The following TYMP variants were observed in gnomAD, a reference collection of about 807,000 sequenced individuals.
TYMP encodes gliostatin.
TYMP carries 46 observed loss-of-function variants against 42.3 expected under a neutral mutation model. The observed-to-expected ratio is 1.09, with a 90% CI of 0.86 to 1.39. The LOEUF is 1.39. Ranked by LOEUF, TYMP falls within the 40% of genes most tolerant of loss-of-function variation. The pLI is 0.00. For missense variants in TYMP, 837 were observed against 677.6 expected, an observed-to-expected ratio of 1.24 and a Z score of -2.61; for synonymous variants, 363 against 308.0, an observed-to-expected ratio of 1.18 and a Z score of -1.87.
In TYMP at chr22:50,529,711, G is replaced by T. The variant is rs370124042; in HGVS notation, c.-2C>A. The T allele has an allele frequency of 9.9e-6, 16 of 1,608,396 alleles. No homozygotes were observed. The highest frequency in any genetic ancestry group is 1.3e-5 in the Non-Finnish European group (15 of 1,178,276). On this transcript the variant is annotated 5_prime_UTR_variant, in exon 2 of 10. Coordinates refer to ENST00000252029, the MANE Select transcript of TYMP (RefSeq NM_001953.5). ...TCCCGGGGTCATCAAGGCTGCCATCGCTCCGGGCCTGCGGGGATGCCTGAC... is the reference window on the plus strand; with the variant it reads ...TCCCGGGGTCATCAAGGCTGCCATCTCTCCGGGCCTGCGGGGATGCCTGAC...
intron 8 of TYMP, 42 bp from the exon 9 acceptor site, chr22:50,526,183 C>A: frequency 6.8e-7 from 1 of 1,471,472 alleles, no homozygotes; most frequent in South Asian, 1.3e-5. Context: ...CGGGAAGGGG[C>A]GGGGCCTCGG....
intron 1 of TYMP, 85 bp downstream of exon 1, chr22:50,529,819 T>G: frequency 9.7e-7 from 1 of 1,031,454 alleles, no homozygotes; most frequent in Non-Finnish European, 1.4e-6. Context: ...CTCTCCGGTG[T>G]CCGCCCCTCG....
intron 4 of TYMP, chr22:50,528,016 C>T: frequency 2.4e-6 from 1 of 419,126 alleles, no homozygotes; most frequent in South Asian, 2.2e-5. Context: ...GGCTCCTCTG[C>T]CTCCCAGAGT....
chr22:50,529,880 T>TCGCGACTTGAGCCCCGCCC, intron 1 of TYMP, 24 bp downstream of exon 1: 1 of 671,052 alleles, frequency 1.5e-6, no homozygotes, highest in Non-Finnish European at 2.5e-6. Flanking sequence ...CTTCCCCGCC[T>TCGCGACTTGAGCCCCGCCC]CGCGACTTGA....
rs1389105644 is a variant in TYMP, at chr22:50,527,726, ACATCCCCTGTTCTCAGT to A, written c.517-26_517-10del. On this transcript the variant is annotated splice_polypyrimidine_tract_variant and intron_variant, in intron 4 of 9. Transcript: ENST00000252029. The stretch of plus-strand genomic sequence containing the variant: ...TCCAGCAGCACTTGCATCTGGTCAG[ACATCCCCTGTTCTCAGT>A]GACTTATGGTAAATGACTTAGCAGC... 1 of 1,611,016 alleles carries A rather than the reference ACATCCCCTGTTCTCAGT, an allele frequency of 6.2e-7. No individual in the cohort carries two copies. Among genetic ancestry groups the A allele is most frequent in the South Asian group, 1.1e-5 (1 of 90,962 alleles).
At position 50,526,307 on chromosome 22, in the gene TYMP, T is replaced by G. The variant is rs1459211212; in HGVS notation, c.1098A>C (p.Ala366=). 6.4e-7 allele frequency: 1 copy of G among 1,559,186 alleles called. No homozygotes were observed. ...LARALCSGSP[A]ERRQLLPRAR... is the part of the protein sequence containing the mutation. ...CGCGAGGCAGCAGCTGCCGGCGTTC[T>G]GCGGGACTTCCCGAGCACAGGGCTC... is the stretch of plus-strand genomic sequence containing the variant. The change falls in exon 8 of 10, where the codon GCA becomes GCC. Residue 366 remains alanine (A), a synonymous_variant. Transcript: ENST00000252029.
rs1373519372 is a variant in TYMP at position 50,526,428 on chromosome 22, C to G, written c.977G>C (p.Gly326Ala). The change falls in exon 8 of 10, where the codon GGC (glycine) becomes GCC (alanine). Residue 326 changes from glycine to alanine, a missense_variant. By Grantham distance (60) the Gly-to-Ala change is moderately conservative. Transcript: ENST00000252029. ...LSGHAGTQAQ[G>A]AARVAAALDD... ...CAGCGCCGCGGCCACCCGGGCAGCG[C>G]CCTGGGCCTGAGTCCCCGCGTGTCC... 2.6e-6 allele frequency: 4 copies of G among 1,509,970 alleles called. No homozygotes were observed. The South Asian group carries it at 5.0e-5, about 19-fold the overall frequency. The allele number at this position is 1,509,970 out of a possible 1,614,324, so 93.5% of individuals were successfully genotyped here.
chr22:50,526,365 A>G lies in TYMP; in HGVS notation c.1040T>C (p.Leu347Pro). Residue 347 changes from leucine (L) to proline (P), a missense_variant, in exon 8 of 10, where the codon CTG (leucine) becomes CCG (proline). Coordinates refer to ENST00000252029, the MANE Select transcript of TYMP (RefSeq NM_001953.5). ...GSALGRFERM[L>P]AAQGVDPGLA... ...ACCGGGATCCACGCCCTGCGCCGCC[A>G]GCATCCGCTCGAAGCGGCCAAGGGC... is the stretch of plus-strand genomic sequence containing the variant. 1 of 1,545,530 alleles carries G rather than the reference A, an allele frequency of 6.5e-7. No individual in the cohort carries two copies. The highest frequency in any genetic ancestry group is 8.6e-7 in the Non-Finnish European group (1 of 1,157,246).
chr22:50,529,881 C>G (rs924350043), intron 1 of TYMP, 23 bp downstream of exon 1: 4 of 669,030 alleles, frequency 6.0e-6, no homozygotes, highest in East Asian at 2.7e-5. Context: ...TTCCCCGCCT[C>G]GCGACTTGAG....
intron 2 of TYMP, 66 bp downstream of exon 2, chr22:50,529,429 AG>A: frequency 6.2e-7 from 1 of 1,606,490 alleles, no homozygotes; most frequent in South Asian, 1.1e-5. Flanking sequence ...TCGCACCCCC[AG>A]GGACCCAAAG....
Position 50,529,270 on chromosome 22 carries a change from G to C in TYMP, c.283C>G (p.Leu95Val), listed in dbSNP as rs751423220. 6.2e-7 allele frequency: 1 copy of C among 1,613,334 alleles called. No homozygotes were observed. ...LEETSVLTQA[L>V]AQSGQQLEWP... ...TCCAGCTGCTGTCCCGACTGAGCCAGGGCCTGGGTCAGCACCGAGGTCTCC... is the reference window on the plus strand; with the variant it reads ...TCCAGCTGCTGTCCCGACTGAGCCACGGCCTGGGTCAGCACCGAGGTCTCC... The change falls in exon 3 of 10, where the codon CTG (leucine) becomes GTG (valine). Residue 95 changes from leucine to valine, a missense_variant. Transcript: ENST00000252029.
At chr22:50,526,503 C>T (rs767165770) in intron 7 of TYMP, 27 bp from the exon 8 acceptor site, 2 of 1,520,436 alleles carry the variant, frequency 1.3e-6, no homozygotes, top group Non-Finnish European at 1.8e-6. Flanking sequence ...GTCTTAGGCG[C>T]GGCCGGGTCG....
Position 50,529,497 on chromosome 22 carries a change from G to A in TYMP, c.213C>T (p.Ile71=). ...VVNGSAQGAQ[I]GAMLMAIRLR... is the part of the protein sequence containing the mutation. ...GAACGCCCAACCCTCCCCACGCACC[G>A]ATCTGTGCGCCCTGCGCGCTCCCAT... The change falls in exon 2 of 10, where the codon ATC becomes ATT. Residue 71 remains isoleucine (I), a splice_region_variant and synonymous_variant. Coordinates refer to ENST00000252029, the MANE Select transcript of TYMP (RefSeq NM_001953.5). 1 of 1,612,518 alleles carries A rather than the reference G, an allele frequency of 6.2e-7. No individual in the cohort carries two copies. The highest frequency in any genetic ancestry group is 8.5e-7 in the Non-Finnish European group (1 of 1,179,882).
rs2148676726 is a variant in TYMP, at chr22:50,526,003, C to A, written c.1298G>T (p.Arg433Leu). Residue 433 changes from arginine (R) to leucine (L), a missense_variant and splice_region_variant, in exon 9 of 10, where the codon CGT becomes CTT. Transcript: ENST00000252029. ...AGCAGGGCGGGGGCGGCGCTCACCA[C>A]GGCGCAGCCTCTGACCCACGTCGAC... ...LLVDVGQRLR[R>L]GTPWLRVHRD... The A allele has an allele frequency of 7.0e-7, 1 of 1,436,258 alleles. No individual in the cohort carries two copies. Among genetic ancestry groups the A allele is most frequent in the Non-Finnish European group, 9.1e-7 (1 of 1,100,294 alleles). 89.0% of individuals were successfully genotyped at this position (1,436,258 alleles called of 1,614,324 possible). A position where few individuals can be genotyped will look rare whatever the true frequency, so the allele number is the denominator to read the frequency against.
At position 50,529,350 on chromosome 22, in the gene TYMP, G is replaced by A; in HGVS notation, c.215-12C>T. 1 of 1,612,812 alleles carries A rather than the reference G, an allele frequency of 6.2e-7. No individual in the cohort carries two copies. Among genetic ancestry groups the A allele is most frequent in the East Asian group, 2.2e-5 (1 of 44,864 alleles). On this transcript the variant is annotated splice_polypyrimidine_tract_variant and intron_variant, in intron 2 of 9. Transcript: ENST00000252029. ...CATCAGCATGGCCCCTGGTATGTGG[G>A]GGTACGCGTGAGGGTGGCAGCCCAC...
At chr22:50,529,871 T>G in intron 1 of TYMP, 33 bp downstream of exon 1, 4 of 688,306 alleles carry the variant, frequency 5.8e-6, no homozygotes, top group Non-Finnish European at 7.2e-6. Flanking sequence ...TGCCTCCCGC[T>G]TCCCCGCCTC....
chr22:50,527,504 T>C (rs2069436725), intron 5 of TYMP, 84 bp downstream of exon 5: 1 of 1,603,000 alleles, frequency 6.2e-7, no homozygotes, highest in South Asian at 1.1e-5. Flanking sequence ...AGGTGACGGG[T>C]AACTCCTAAC....
At position 50,529,755 on chromosome 22, in the gene TYMP, C is replaced by A. The variant is rs202144233; in HGVS notation, c.-10-36G>T. ...GCCTGACACGTCCGGGGTCTGCGGC[C>A]TCCCGGCGTCGGTGTCTGAGCCACG... is the stretch of plus-strand genomic sequence containing the variant. On this transcript the variant is annotated intron_variant, in intron 1 of 9. Transcript: ENST00000252029. 2.6e-4 allele frequency: 407 copies of A among 1,560,224 alleles called. 3 individuals carry two copies. The African/African-American group carries it at 4.6e-3, about 18-fold the overall frequency.
In TYMP at chr22:50,530,010, A is replaced by G. The variant is rs2069534469; in HGVS notation, c.-117T>C. ...GTTCAGGGTTCGCGCACAGCGGTCC[A>G]CTGCCGGCGGCGGGGCGGCGGCGCC... is the stretch of plus-strand genomic sequence containing the variant. On this transcript the variant is annotated 5_prime_UTR_variant, in exon 1 of 10. Transcript: ENST00000252029. The G allele has an allele frequency of 2.7e-6, 1 of 370,012 alleles. No homozygotes were observed. The highest frequency in any genetic ancestry group is 4.9e-6 in the Non-Finnish European group (1 of 205,052). The allele number at this position is 370,012 out of a possible 1,614,324, so 22.9% of individuals were successfully genotyped here.
Sources: allele counts gnomAD v4.1 joint callset, GRCh38; gene constraint gnomAD v4.1.1; transcripts MANE v1.5; gene names NCBI Gene and HGNC (gene_info 2026-07-23, HGNC 2026-07-21).